The following TFPI variants were observed in gnomAD, a reference collection of about 807,000 sequenced individuals.
TFPI encodes the protein anti-convertin.
Under a neutral mutation model 34.6 loss-of-function variants are expected in TFPI, and 15 were observed. That is an observed-to-expected ratio of 0.43 (90% CI 0.29 to 0.67). The LOEUF (loss-of-function observed/expected upper bound fraction) is 0.67. TFPI is among the 30% of genes least tolerant of loss of function. The pLI is 0.15. For synonymous variants in TFPI, 105 were observed against 120.1 expected (o/e 0.87, Z 0.82); for missense variants, 301 against 364.0 (o/e 0.83, Z 1.41).
At chr2:187,502,346 G>A (rs1314340160) in intron 2 of TFPI, among the ~76,000 whole-genome samples, 1 of 152,040 alleles carries the variant, frequency 6.6e-6, no homozygotes. Flanking sequence ...ACAAATACAG[G>A]GAACACTTGG....
rs775447533 is a variant in TFPI, at chr2:187,484,124, C to G, written c.628G>C (p.Glu210Gln). ...GCAATAAAATCCACAAGATTCTTAC[C>G]AAAAAGGCTGGGAACCTTGGTTGAT... ...PQSTKVPSLFEFHGPSWCLTP... is the reference protein window; with the variant it reads ...PQSTKVPSLFQFHGPSWCLTP... Residue 210 changes from glutamate to glutamine, a missense_variant and splice_region_variant, in exon 6 of 8, where the codon GAA (glutamate) becomes CAA (glutamine). Physicochemically the swap from Glu to Gln is conservative, Grantham distance 29. Coordinates refer to ENST00000233156, the MANE Select transcript of TFPI (RefSeq NM_006287.6). 1.8e-5 allele frequency: 29 copies of G among 1,611,108 alleles called. No individual in the cohort carries two copies. Among genetic ancestry groups the G allele is most frequent in the Non-Finnish European group, 2.1e-5 (25 of 1,178,262 alleles).
At chr2:187,487,832 C>T (rs887504660) in intron 4 of TFPI, among the ~76,000 whole-genome samples, 3 of 151,442 alleles carry the variant, frequency 2.0e-5, no homozygotes, top group African/African-American at 7.2e-5. Context: ...GCTGACAACT[C>T]AGAGACATAC....
chr2:187,487,521 A>G (rs1049292869), intron 4 of TFPI, among the ~76,000 whole-genome samples: 2 of 151,354 alleles, frequency 1.3e-5, no homozygotes, highest in African/African-American at 4.8e-5. Context: ...GTGGTCTTTC[A>G]TGTTGCGGTC....
intron 3 of TFPI, among the ~76,000 whole-genome samples, chr2:187,489,385 T>TGC (rs1312075365): frequency 2.0e-5 from 3 of 150,334 alleles, no homozygotes; most frequent in Non-Finnish European, 4.5e-5. Context: ...AAAAAAGAGG[T>TGC]GTGTGTGTGT....
chr2:187,552,825 A>G (rs183116547), intron 1 of TFPI, among the ~76,000 whole-genome samples: 3 of 152,256 alleles, frequency 2.0e-5, no homozygotes, highest in Admixed American at 6.5e-5. Context: ...TGAAGTAGAA[A>G]AACTTGGTTT....
intron 1 of TFPI, among the ~76,000 whole-genome samples, chr2:187,552,545 AT>A (rs1015312070): frequency 9.2e-5 from 14 of 152,032 alleles, no homozygotes; most frequent in Admixed American, 6.6e-4. Context: ...AATGATAATC[AT>A]TTCCTTAAAT....
chr2:187,491,130 A>G (rs1685094345), intron 3 of TFPI, among the ~76,000 whole-genome samples: 1 of 151,906 alleles, frequency 6.6e-6, no homozygotes, highest in South Asian at 2.1e-4. Flanking sequence ...CCTTATTTTA[A>G]GAAGTAGATT....
chr2:187,482,034 A>G (rs1039246621), intron 6 of TFPI, among the ~76,000 whole-genome samples: 18 of 152,064 alleles, frequency 1.2e-4, no homozygotes, highest in African/African-American at 3.1e-4. Context: ...TTACTTTCTC[A>G]CACTAATTTT....
At chr2:187,553,427 T>A (rs562357331) in intron 1 of TFPI, among the ~76,000 whole-genome samples, 1 of 152,266 alleles carries the variant, frequency 6.6e-6, no homozygotes, top group African/African-American at 2.4e-5. Context: ...TTTATACTAA[T>A]GAGTGCTTTT....
intron 6 of TFPI, among the ~76,000 whole-genome samples, chr2:187,471,459 C>T (rs1015312385): frequency 3.9e-5 from 6 of 151,972 alleles, no homozygotes; most frequent in South Asian, 2.1e-4. Context: ...AAAGGTTTTG[C>T]GAAATGTAAT....
intron 1 of TFPI, among the ~76,000 whole-genome samples, chr2:187,552,457 C>T (rs768503935): frequency 3.3e-5 from 5 of 151,892 alleles, no homozygotes; most frequent in Non-Finnish European, 5.9e-5. Context: ...AATATGTTAT[C>T]ATTTTATGTA....
rs531522698 is a variant in TFPI, at chr2:187,543,712, T to C, written c.-3+10488A>G. 2.6e-5 allele frequency among the ~76,000 whole-genome samples: 4 copies of C among 152,152 alleles called. No homozygotes were observed. The South Asian group carries it at 8.3e-4, about 32-fold the overall frequency. On this transcript the variant is annotated intron_variant, in intron 1 of 7. Coordinates refer to ENST00000233156, the MANE Select transcript of TFPI (RefSeq NM_006287.6). ...ATTAATCATGGTGATTCCATTAACT[T>C]TATAGTGTTTGGTTTAGATATCTCT...
At chr2:187,492,814 T>G (rs1401767202) in intron 3 of TFPI, among the ~76,000 whole-genome samples, 1 of 152,232 alleles carries the variant, frequency 6.6e-6, no homozygotes, top group Non-Finnish European at 1.5e-5. Flanking sequence ...CTTTTGATTT[T>G]ACAAGCTCCT....
intron 6 of TFPI, among the ~76,000 whole-genome samples, chr2:187,471,863 T>C (rs1220010747): frequency 6.6e-6 from 1 of 152,162 alleles, no homozygotes. Context: ...CTTAGGCTTT[T>C]GTTTTACTAA....
Position 187,503,765 on chromosome 2 carries a change from T to A in TFPI, c.4A>T (p.Ile2Phe). 1.9e-6 allele frequency: 3 copies of A among 1,612,484 alleles called. No homozygotes were observed. The highest frequency in any genetic ancestry group is 2.5e-6 in the Non-Finnish European group (3 of 1,179,010). Residue 2 changes from isoleucine to phenylalanine, a missense_variant, in exon 2 of 8, where the codon ATT (isoleucine) becomes TTT (phenylalanine). Ile to Phe is a conservative substitution (Grantham distance 21, BLOSUM62 0). Transcript: ENST00000233156. ...GCATGTACTTTCTTCATTGTGTAAA[T>A]CATCTCTGAAATACAGAACCCATAC... The part of the protein sequence containing the change: M[I>F]YTMKKVHALW...
chr2:187,496,909 C>T lies in TFPI; in HGVS notation c.291G>A (p.Leu97=). The change falls in exon 3 of 8, where the codon CTG becomes CTA. Residue 97 remains leucine, a synonymous_variant. Coordinates refer to ENST00000233156, the MANE Select transcript of TFPI (RefSeq NM_006287.6). ...CEGNQNRFES[L]EECKKMCTRD... ...TTGTACACATTTTTTTGCACTCTTC[C>T]AGACTTTCAAATCGATTCTGATTTC... 1.2e-6 allele frequency: 2 copies of T among 1,613,040 alleles called. No individual in the cohort carries two copies. Among genetic ancestry groups the T allele is most frequent in the Non-Finnish European group, 1.7e-6 (2 of 1,179,352 alleles).
At chr2:187,485,086 G>T in intron 4 of TFPI, 99 bp from the exon 5 acceptor site, 1 of 885,672 alleles carries the variant, frequency 1.1e-6, no homozygotes, top group Non-Finnish European at 1.5e-6. Context: ...TATTGAAGGA[G>T]TAAGCATAAA....
intron 6 of TFPI, among the ~76,000 whole-genome samples, chr2:187,473,757 GA>G (rs565561705): frequency 1.1e-4 from 15 of 140,696 alleles, no homozygotes; most frequent in Admixed American, 3.6e-4. Flanking sequence ...ATTCTATAAA[GA>G]AAAAAAAAAC....
At position 187,484,698 on chromosome 2, in the gene TFPI, T is replaced by G. The variant is rs8176514; in HGVS notation, c.535+113A>C. On this transcript the variant is annotated intron_variant, in intron 5 of 7. Coordinates refer to ENST00000233156, the MANE Select transcript of TFPI (RefSeq NM_006287.6). ...ATCTCACATTGAATGCACACAAATA[T>G]ATCTTCATTTGCATGGCTCAAACAA... 2.3e-4 allele frequency: 213 copies of G among 916,000 alleles called. No homozygotes were observed. The Middle Eastern group carries it at 4.2e-3, about 18-fold the overall frequency. The allele number at this position is 916,000 out of a possible 1,614,324, so 56.7% of individuals were successfully genotyped here.
Sources: allele counts gnomAD v4.1 joint callset (sites outside exome capture counted in the v4.1 genomes callset), GRCh38; gene constraint gnomAD v4.1.1; transcripts MANE v1.5; gene names NCBI Gene and HGNC (gene_info 2026-07-23, HGNC 2026-07-21).